SLC71A1: variants seen among roughly 807,000 people sequenced by gnomAD.
SLC71A1 encodes the protein solute carrier family 71 member 1, also known as hippocampus abundant gene transcript 1.
chr1:100,048,159 C>G, the SLC71A1 span, among the ~76,000 whole-genome samples: 1 of 151,224 alleles, frequency 6.6e-6, no homozygotes, highest in African/African-American at 2.4e-5. Context: ...GTGGACAAAA[C>G]AGGTTTAAAG....
the SLC71A1 span, among the ~76,000 whole-genome samples, chr1:100,067,565 C>T: frequency 6.6e-6 from 1 of 152,098 alleles, no homozygotes; most frequent in South Asian, 2.1e-4. Flanking sequence ...ACTCCCAGCC[C>T]TTCGGGAGGC....
the SLC71A1 span, among the ~76,000 whole-genome samples, chr1:100,038,732 G>A: frequency 1.3e-5 from 2 of 152,224 alleles, no homozygotes; most frequent in African/African-American, 4.8e-5. Flanking sequence ...AAGGGGCTGG[G>A]AACCATCCCT....
the SLC71A1 span, among the ~76,000 whole-genome samples, chr1:100,051,458 G>GT: frequency 0.015 from 2,065 of 133,940 alleles, 15 homozygotes; most frequent in Middle Eastern, 0.063. Flanking sequence ...ATATCAGAGG[G>GT]TTTTTTTTTT....
the SLC71A1 span, among the ~76,000 whole-genome samples, chr1:100,039,024 C>A: frequency 3.9e-4 from 60 of 152,252 alleles, no homozygotes; most frequent in Non-Finnish European, 7.8e-4. Flanking sequence ...GCCTAAGGAT[C>A]GGAGGAGGAC....
At chr1:100,080,527 A>G in the SLC71A1 span, 2 of 1,613,786 alleles carry the variant, frequency 1.2e-6, no homozygotes, top group Admixed American at 1.7e-5. Context: ...CAGGAATTCG[A>G]GGATTATGCA....
the SLC71A1 span, chr1:100,080,408 A>ATT: frequency 9.6e-7 from 1 of 1,037,978 alleles, no homozygotes; most frequent in Non-Finnish European, 1.4e-6. Context: ...TTGATTTTAG[A>ATT]TTAAGTGATT....
chr1:100,042,152 C>T, the SLC71A1 span, among the ~76,000 whole-genome samples: 1 of 152,092 alleles, frequency 6.6e-6, no homozygotes. Context: ...TTAAAATGCT[C>T]ATCTTAAAAT....
the SLC71A1 span, chr1:100,061,749 C>G: frequency 1.2e-6 from 1 of 845,188 alleles, no homozygotes; most frequent in Non-Finnish European, 2.0e-6. Flanking sequence ...ATGAGCTGCT[C>G]TTACGCTTAA....
the SLC71A1 span, among the ~76,000 whole-genome samples, chr1:100,039,318 G>T: frequency 3.3e-5 from 5 of 152,032 alleles, no homozygotes; most frequent in Admixed American, 6.6e-5. Flanking sequence ...TATCTTATTG[G>T]AGCCGCGATC....
the SLC71A1 span, chr1:100,038,343 G>C: frequency 6.5e-7 from 1 of 1,545,072 alleles, no homozygotes. Flanking sequence ...GCCGGCGAGC[G>C]TCCCTCGGGG....
chr1:100,047,511 C>G, the SLC71A1 span, among the ~76,000 whole-genome samples: 2 of 152,236 alleles, frequency 1.3e-5, no homozygotes, highest in Non-Finnish European at 1.5e-5. Context: ...CAACTTCCGC[C>G]TCCCGCGTTC....
At chr1:100,045,388 C>G in the SLC71A1 span, among the ~76,000 whole-genome samples, 3 of 152,034 alleles carry the variant, frequency 2.0e-5, no homozygotes, top group African/African-American at 7.2e-5. Flanking sequence ...GATCTCGGAG[C>G]TTTTTGGATG....
chr1:100,043,084 C>T, the SLC71A1 span: 12 of 984,990 alleles, frequency 1.2e-5, no homozygotes, highest in Non-Finnish European at 1.4e-5. Flanking sequence ...TGGCTATATG[C>T]ATCCAGTTCA....
the SLC71A1 span, chr1:100,062,092 A>G: frequency 1.8e-6 from 1 of 566,470 alleles, no homozygotes; most frequent in Non-Finnish European, 3.1e-6. Flanking sequence ...TCATTAGACT[A>G]CATTTAAAAT....
At chr1:100,046,211 C>CAT in the SLC71A1 span, among the ~76,000 whole-genome samples, 4 of 69,462 alleles carry the variant, frequency 5.8e-5, no homozygotes, top group East Asian at 8.0e-4. Context: ...CTCCAAGCCT[C>CAT]GTTTTTTTTT....
chr1:100,074,216 C>T, the SLC71A1 span, among the ~76,000 whole-genome samples: 1 of 152,130 alleles, frequency 6.6e-6, no homozygotes, highest in African/African-American at 2.4e-5. Context: ...GACGTTACCC[C>T]AGGAAAGGGG....
the SLC71A1 span, among the ~76,000 whole-genome samples, chr1:100,039,302 T>C: frequency 6.6e-6 from 1 of 152,240 alleles, no homozygotes; most frequent in Non-Finnish European, 1.5e-5. Flanking sequence ...ATTCCATTTC[T>C]GTTTATATCT....
At chr1:100,065,771 C>CCTCCT in the SLC71A1 span, among the ~76,000 whole-genome samples, 2 of 149,964 alleles carry the variant, frequency 1.3e-5, no homozygotes, top group Admixed American at 1.3e-4. Flanking sequence ...TTTCCTTTCT[C>CCTCCT]CTCCTCTCCT....
the SLC71A1 span, among the ~76,000 whole-genome samples, chr1:100,073,169 A>G: frequency 1.3e-5 from 2 of 152,080 alleles, no homozygotes; most frequent in South Asian, 4.2e-4. Context: ...TCTCCAAAAT[A>G]TATCTTGAAT....
Sources: allele counts gnomAD v4.1 joint callset (sites outside exome capture counted in the v4.1 genomes callset), GRCh38; gene constraint gnomAD v4.1.1; transcripts MANE v1.5; gene names NCBI Gene and HGNC (gene_info 2026-07-23, HGNC 2026-07-21).